Variants in UMPS observed in about 807,000 individuals in gnomAD.
UMPS encodes uridine monophosphate synthetase.
A neutral mutation model predicts 38.9 loss-of-function variants in UMPS; 21 were observed. The ratio of observed to expected loss-of-function variants is 0.54; its 90% CI spans 0.38 to 0.78. The LOEUF (loss-of-function observed/expected upper bound fraction) is 0.78. Among genes scored for constraint, UMPS ranks in the 30% least tolerant of loss-of-function variants. The pLI, the probability that UMPS is intolerant of heterozygous loss-of-function variation, is 0.00. For missense variants in UMPS, 533 were observed against 591.6 expected, an observed-to-expected ratio of 0.90 and a Z score of 1.03; for synonymous variants, 208 against 219.3, an observed-to-expected ratio of 0.95 and a Z score of 0.45.
At chr3:124,733,945 CAGT>C (rs1434145214) in intron 1 of UMPS, among the ~76,000 whole-genome samples, 1 of 152,062 alleles carries the variant, frequency 6.6e-6, no homozygotes, top group Admixed American at 6.5e-5. Context: ...TCTGTGGACA[CAGT>C]GGAGTGAAAA....
In UMPS at chr3:124,740,242, A is replaced by G. The variant is rs758369284; in HGVS notation, c.1158+43A>G. On this transcript the variant is annotated intron_variant, in intron 4 of 5. Coordinates refer to ENST00000232607, the MANE Select transcript of UMPS (RefSeq NM_000373.4). ...TGGGTGAGAGGGGGCAGGGGCTGCT[A>G]TGCTGCATGCTGCAAGAAGATATCT... 1.5e-5 allele frequency: 23 copies of G among 1,534,810 alleles called. No individual in the cohort carries two copies. In the Admixed American group the frequency reaches 4.7e-4, roughly 32 times the overall value.
At position 124,747,853 on chromosome 3, in the gene UMPS, C is replaced by T. The variant is rs1322171287; in HGVS notation, c.*3769C>T. ...TGCTTGGTCTTGTGTGAATCCTGTA[C>T]TTTAACACAGTGGACCAAGTGTCAG... On this transcript the variant is annotated 3_prime_UTR_variant, in exon 6 of 6. Coordinates refer to ENST00000232607, the MANE Select transcript of UMPS (RefSeq NM_000373.4). 2.2e-6 allele frequency: 1 copy of T among 453,636 alleles called. No homozygotes were observed. Among genetic ancestry groups the T allele is most frequent in the Non-Finnish European group, 4.4e-6 (1 of 226,412 alleles). 28.1% of individuals were successfully genotyped at this position (453,636 alleles called of 1,614,324 possible). A position where few individuals can be genotyped will look rare whatever the true frequency, so the allele number is the denominator to read the frequency against.
intron 2 of UMPS, 79 bp from the exon 3 acceptor site, chr3:124,737,489 A>T: frequency 1.4e-6 from 2 of 1,386,954 alleles, no homozygotes; most frequent in South Asian, 2.3e-5. Flanking sequence ...CAAGTTTTGT[A>T]TACAGAGTGT....
intron 4 of UMPS, among the ~76,000 whole-genome samples, chr3:124,741,576 A>G (rs2063557159): frequency 6.6e-6 from 1 of 152,208 alleles, no homozygotes; most frequent in Admixed American, 6.5e-5. Flanking sequence ...TTGGATATGG[A>G]GTACCCCGTC....
At position 124,746,626 on chromosome 3, in the gene UMPS, A is replaced by T. The variant is rs1301436578; in HGVS notation, c.*2542A>T. The T allele has an allele frequency of 4.4e-6, 2 of 453,976 alleles. No individual in the cohort carries two copies. Among genetic ancestry groups the T allele is most frequent in the Admixed American group, 2.3e-5 (1 of 42,554 alleles). The allele number at this position is 453,976 out of a possible 1,614,324, so 28.1% of individuals were successfully genotyped here. A position where few individuals can be genotyped will look rare whatever the true frequency, so the allele number is the denominator to read the frequency against. On this transcript the variant is annotated 3_prime_UTR_variant, in exon 6 of 6. Transcript: ENST00000232607. ...TCTGGGCATTGTAACTCCTGGTCTT[A>T]GTGGGGAATATAGGGACCCCATGTC...
intron 1 of UMPS, among the ~76,000 whole-genome samples, chr3:124,731,829 C>T (rs762190595): frequency 6.8e-6 from 1 of 146,974 alleles, no homozygotes; most frequent in African/African-American, 2.5e-5. Context: ...TGCAGTTAGC[C>T]GAAATTGAGC....
chr3:124,738,447 G>A, intron 3 of UMPS: 1 of 576,436 alleles, frequency 1.7e-6, no homozygotes, highest in South Asian at 1.9e-5. Flanking sequence ...TTCTCAGGTA[G>A]GCATACTCTG....
At position 124,730,490 on chromosome 3, in the gene UMPS, G is replaced by C. The variant is rs750138220; in HGVS notation, c.19G>C (p.Ala7Pro). ...CGCGACAATGGCGGTCGCTCGTGCAGCTTTGGGGCCATTGGTGACGGGTCT... is the reference window on the plus strand; with the variant it reads ...CGCGACAATGGCGGTCGCTCGTGCACCTTTGGGGCCATTGGTGACGGGTCT... MAVARAALGPLVTGLYD... is the reference protein window; with the variant it reads MAVARAPLGPLVTGLYD... Residue 7 changes from alanine (A) to proline (P), a missense_variant, in exon 1 of 6, where the codon GCT becomes CCT. Transcript: ENST00000232607. 2.1e-5 allele frequency: 34 copies of C among 1,614,084 alleles called. No individual in the cohort carries two copies. The highest frequency in any genetic ancestry group is 3.4e-6 in the Non-Finnish European group (4 of 1,180,024).
In UMPS at chr3:124,732,000, A is replaced by G. The variant is rs113605792; in HGVS notation, c.156+1373A>G. ...TTTTTTGTAGAGAGGAGGTCTCACCATACTGCCCAGGCTCGTCTCAAACTC... is the reference window on the plus strand; with the variant it reads ...TTTTTTGTAGAGAGGAGGTCTCACCGTACTGCCCAGGCTCGTCTCAAACTC... On this transcript the variant is annotated intron_variant, in intron 1 of 5. Transcript: ENST00000232607. 4.3e-3 allele frequency among the ~76,000 whole-genome samples: 648 copies of G among 151,582 alleles called. 2 individuals are homozygous for G. The highest frequency in any genetic ancestry group is 0.015 in the African/African-American group (636 of 41,340).
chr3:124,732,658 C>A (rs1455237656), intron 1 of UMPS: 1 of 154,514 alleles, frequency 6.5e-6, no homozygotes, highest in African/African-American at 2.4e-5. Context: ...TCATATTGGA[C>A]TGCAAAGATA....
At position 124,746,651 on chromosome 3, in the gene UMPS, C is replaced by G; in HGVS notation, c.*2567C>G. 2.2e-6 allele frequency: 1 copy of G among 454,072 alleles called. No individual in the cohort carries two copies. 28.1% of individuals were successfully genotyped at this position (454,072 alleles called of 1,614,324 possible). On this transcript the variant is annotated 3_prime_UTR_variant, in exon 6 of 6. Coordinates refer to ENST00000232607, the MANE Select transcript of UMPS (RefSeq NM_000373.4). ...AGTGGGGAATATAGGGACCCCATGT[C>G]TCCATGGGGTGCACAGAATGTCTGT...
Position 124,737,718 on chromosome 3 carries a change from A to T in UMPS, c.461A>T (p.Asp154Val). The part of the protein sequence containing the change: ...LKVTDAIVLL[D>V]REQGGKDKLQ... ...GTCACTGATGCCATAGTGCTGTTGG[A>T]CAGAGAGCAGGGAGGCAAGGACAAG... The change falls in exon 3 of 6, where the codon GAC becomes GTC. Residue 154 changes from aspartate (D) to valine (V), a missense_variant. Coordinates refer to ENST00000232607, the MANE Select transcript of UMPS (RefSeq NM_000373.4). The T allele has an allele frequency of 1.2e-6, 2 of 1,614,166 alleles. No individual in the cohort carries two copies. The highest frequency in any genetic ancestry group is 1.7e-6 in the Non-Finnish European group (2 of 1,180,040).
rs370274288 is a variant in UMPS at position 124,749,254 on chromosome 3, A to G, written c.*5170A>G. 2.0e-5 allele frequency: 9 copies of G among 450,134 alleles called. No individual in the cohort carries two copies. The highest frequency in any genetic ancestry group is 1.4e-4 in the East Asian group (2 of 14,356). 27.9% of individuals were successfully genotyped at this position (450,134 alleles called of 1,614,324 possible). ...AATATGGGTTCTTTTCAACCTGAAT[A>G]GATGGCCTAAAAATTCAAACTTGCC... On this transcript the variant is annotated 3_prime_UTR_variant, in exon 6 of 6. Transcript: ENST00000232607.
chr3:124,742,909 A>G (rs569611062), intron 5 of UMPS, among the ~76,000 whole-genome samples: 4 of 152,318 alleles, frequency 2.6e-5, no homozygotes, highest in African/African-American at 9.6e-5. Flanking sequence ...TCTTTGCAAC[A>G]TATGAGTTTT....
chr3:124,747,214 C>T lies in UMPS; in HGVS notation c.*3130C>T, dbSNP rs374728245. 554 of 453,070 alleles carry T rather than the reference C, an allele frequency of 1.2e-3. 3 individuals carry two copies. Among genetic ancestry groups the T allele is most frequent in the South Asian group, 8.0e-3 (520 of 64,620 alleles). 28.1% of individuals were successfully genotyped at this position (453,070 alleles called of 1,614,324 possible). A position where few individuals can be genotyped will look rare whatever the true frequency, so the allele number is the denominator to read the frequency against. ...TAATTTTTAAAATTTTTTGTAGAGACGGTGGAGGAGGTTCTCACTGTGACT... is the reference window on the plus strand; with the variant it reads ...TAATTTTTAAAATTTTTTGTAGAGATGGTGGAGGAGGTTCTCACTGTGACT... On this transcript the variant is annotated 3_prime_UTR_variant, in exon 6 of 6. Transcript: ENST00000232607.
At chr3:124,741,730 C>G (rs1468198800) in intron 4 of UMPS, among the ~76,000 whole-genome samples, 1 of 152,114 alleles carries the variant, frequency 6.6e-6, no homozygotes, top group Non-Finnish European at 1.5e-5. Flanking sequence ...ATTTTAGATG[C>G]ATATAGTATA....
Position 124,734,517 on chromosome 3 carries a change from G to A in UMPS, c.157-576G>A, listed in dbSNP as rs1018446536. ...GGGGTCAACATCATGAGCTTCCCCA[G>A]CACATCTCAGGTTGCCTTCAGAACA... On this transcript the variant is annotated intron_variant, in intron 1 of 5. Transcript: ENST00000232607. Among the ~76,000 whole-genome samples, 3 of 152,292 alleles carry A rather than the reference G, an allele frequency of 2.0e-5. No individual in the cohort carries two copies. The East Asian group carries it at 5.8e-4, about 29-fold the overall frequency.
chr3:124,746,323 AT>A lies in UMPS; in HGVS notation c.*2242del, dbSNP rs924740924. On this transcript the variant is annotated 3_prime_UTR_variant, in exon 6 of 6. Transcript: ENST00000232607. ...ACCATCAGAGTTTCTGCGTTAGCAG[AT>A]TTGTGGTTTGCCCAGCAGCCTGGGC... is the stretch of plus-strand genomic sequence containing the variant. 1.8e-5 allele frequency: 8 copies of A among 454,004 alleles called. No individual in the cohort carries two copies. Among genetic ancestry groups the A allele is most frequent in the Non-Finnish European group, 3.5e-5 (8 of 226,792 alleles). The allele number at this position is 454,004 out of a possible 1,614,324, so 28.1% of individuals were successfully genotyped here.
At chr3:124,742,894 A>G (rs1236543417) in intron 5 of UMPS, among the ~76,000 whole-genome samples, 1 of 151,832 alleles carries the variant, frequency 6.6e-6, no homozygotes, top group Non-Finnish European at 1.5e-5. Context: ...TTGATATTGA[A>G]CCTTTCTTTG....
Sources: gnomAD v4.1 joint callset for allele counts (sites outside exome capture counted in the v4.1 genomes callset) on GRCh38, gnomAD v4.1.1 for gene constraint, MANE v1.5 for transcripts, NCBI Gene and HGNC (gene_info 2026-07-23, HGNC 2026-07-21) for gene names.